ATP8B4: variants seen among roughly 807,000 people sequenced by gnomAD.
ATP8B4 encodes the protein probable phospholipid-transporting ATPase IM.
A neutral mutation model predicts 145.6 loss-of-function variants in ATP8B4; 133 were observed. The ratio of observed to expected loss-of-function variants is 0.91; its 90% CI spans 0.79 to 1.05. The LOEUF (loss-of-function observed/expected upper bound fraction) is 1.05. Ranked by LOEUF, ATP8B4 falls within the 50% of genes least tolerant of loss-of-function variation. ATP8B4 has a pLI of 0.00. For synonymous variants in ATP8B4, 507 were observed against 492.9 expected, an observed-to-expected ratio of 1.03 and a Z score of -0.38; for missense variants, 1,458 against 1,425.2, an observed-to-expected ratio of 1.02 and a Z score of -0.37.
chr15:50,105,017 A>G (rs1007157674), intron 2 of ATP8B4, among the ~76,000 whole-genome samples: 2 of 152,112 alleles, frequency 1.3e-5, no homozygotes, highest in Non-Finnish European at 2.9e-5. Context: ...ACCAAACATC[A>G]TATGTCCTCA....
chr15:50,040,528 T>C (rs1025849782), intron 5 of ATP8B4, among the ~76,000 whole-genome samples: 3 of 152,190 alleles, frequency 2.0e-5, no homozygotes, highest in Non-Finnish European at 4.4e-5. Context: ...AACTGGCACA[T>C]AACATCACAA....
chr15:50,180,996 G>A (rs1291826191), intron 1 of ATP8B4, among the ~76,000 whole-genome samples: 7 of 152,098 alleles, frequency 4.6e-5, no homozygotes, highest in African/African-American at 1.7e-4. Flanking sequence ...TAAGCTAAGA[G>A]TTGGTTCCCC....
chr15:50,179,767 T>A (rs1421511224), intron 1 of ATP8B4, among the ~76,000 whole-genome samples: 2 of 152,182 alleles, frequency 1.3e-5, no homozygotes, highest in African/African-American at 4.8e-5. Flanking sequence ...AAGTAGCCCT[T>A]CACCAAACAC....
intron 2 of ATP8B4, among the ~76,000 whole-genome samples, chr15:50,098,723 T>G (rs2056154299): frequency 6.6e-6 from 1 of 152,096 alleles, no homozygotes; most frequent in Non-Finnish European, 1.5e-5. Context: ...CCCCAAGATA[T>G]ACAGAGTTGC....
At chr15:50,169,339 C>T (rs185448414) in intron 1 of ATP8B4, among the ~76,000 whole-genome samples, 17 of 152,318 alleles carry the variant, frequency 1.1e-4, no homozygotes, top group Admixed American at 6.5e-4. Flanking sequence ...GACCCATAGA[C>T]GGTTCACATC....
intron 13 of ATP8B4, among the ~76,000 whole-genome samples, chr15:49,966,084 C>T (rs1275671138): frequency 1.3e-5 from 2 of 152,158 alleles, no homozygotes; most frequent in Non-Finnish European, 2.9e-5. Context: ...CGGTGCATTC[C>T]AGCCCAGATA....
chr15:50,047,955 G>A (rs79969206), intron 3 of ATP8B4, among the ~76,000 whole-genome samples: 4,296 of 152,270 alleles, frequency 0.028, 216 homozygotes, highest in African/African-American at 0.098. Flanking sequence ...ATTTCAGAAC[G>A]GGAATTGCTG....
intron 3 of ATP8B4, among the ~76,000 whole-genome samples, chr15:50,072,924 CTCTCTCTCTCTCTCTCTCTCT>C (rs2053849550): frequency 3.8e-4 from 4 of 10,556 alleles, no homozygotes; most frequent in Admixed American, 1.2e-3. Flanking sequence ...TGCCCGGCCT[CTCTCTCTCTCTCTCTCTCTCT>C]CTCTCTCTCT....
chr15:50,157,971 G>A (rs1241583023), intron 1 of ATP8B4, among the ~76,000 whole-genome samples: 21 of 152,346 alleles, frequency 1.4e-4, no homozygotes, highest in Non-Finnish European at 2.2e-4. Flanking sequence ...TGGCTGGGCT[G>A]GTCTCCAGCT....
intron 13 of ATP8B4, among the ~76,000 whole-genome samples, chr15:49,968,088 C>T (rs977006277): frequency 3.3e-5 from 5 of 152,108 alleles, no homozygotes; most frequent in Non-Finnish European, 7.4e-5. Context: ...AGATTTTTGT[C>T]ACCACCAGGC....
intron 20 of ATP8B4, chr15:49,908,055 C>T: frequency 2.2e-6 from 1 of 456,056 alleles, no homozygotes; most frequent in Non-Finnish European, 4.4e-6. Flanking sequence ...CCTCTATATA[C>T]TTCGACTTCC....
chr15:50,090,715 T>C (rs2055555733), intron 2 of ATP8B4, among the ~76,000 whole-genome samples: 1 of 152,226 alleles, frequency 6.6e-6, no homozygotes, highest in African/African-American at 2.4e-5. Flanking sequence ...TCAGCACTAC[T>C]ACAGTGAAAC....
chr15:50,079,716 T>C (rs974034700), intron 2 of ATP8B4, among the ~76,000 whole-genome samples: 2 of 152,242 alleles, frequency 1.3e-5, no homozygotes, highest in Non-Finnish European at 2.9e-5. Flanking sequence ...CATTCTCTGT[T>C]GATCTGATTA....
chr15:49,976,091 G>A (rs898902429), intron 12 of ATP8B4, among the ~76,000 whole-genome samples: 21 of 152,096 alleles, frequency 1.4e-4, no homozygotes, highest in African/African-American at 4.6e-4. Context: ...GAGGTATGGC[G>A]CCAATTCATT....
chr15:50,113,738 C>G (rs2057058471), intron 1 of ATP8B4, among the ~76,000 whole-genome samples: 1 of 146,050 alleles, frequency 6.8e-6, no homozygotes, highest in Admixed American at 7.2e-5. Flanking sequence ...ACTCAGGAGG[C>G]TGAGGCAGGA....
chr15:50,081,504 C>T (rs932856984), intron 2 of ATP8B4, among the ~76,000 whole-genome samples: 11 of 152,088 alleles, frequency 7.2e-5, no homozygotes, highest in Non-Finnish European at 5.9e-5. Flanking sequence ...ACTCCAGGTC[C>T]TCAAAGGCAA....
chr15:50,081,707 G>A (rs2054569304), intron 2 of ATP8B4, among the ~76,000 whole-genome samples: 2 of 152,242 alleles, frequency 1.3e-5, no homozygotes, highest in South Asian at 4.1e-4. Context: ...ATAAGAGCAA[G>A]AGTAAAGGGA....
At chr15:50,170,902 G>A (rs185496179) in intron 1 of ATP8B4, among the ~76,000 whole-genome samples, 1 of 152,324 alleles carries the variant, frequency 6.6e-6, no homozygotes, top group East Asian at 1.9e-4. Flanking sequence ...GTGAGCAGGT[G>A]TAGCTATTCT....
intron 9 of ATP8B4, among the ~76,000 whole-genome samples, chr15:49,994,203 T>C (rs1048932690): frequency 4.6e-5 from 7 of 152,134 alleles, no homozygotes; most frequent in Admixed American, 3.9e-4. Context: ...AAAACTACCA[T>C]GCCAGCTGAT....
Sources: allele counts gnomAD v4.1 joint callset (sites outside exome capture counted in the v4.1 genomes callset), GRCh38; gene constraint gnomAD v4.1.1; transcripts MANE v1.5; gene names NCBI Gene and HGNC (gene_info 2026-07-23, HGNC 2026-07-21).